Variants in ROBO1 observed in about 807,000 individuals in gnomAD.
The protein encoded by ROBO1 is roundabout guidance receptor 1, also known as roundabout homolog 1.
ROBO1 carries 149 observed loss-of-function variants against 195.9 expected under a neutral mutation model. That is an observed-to-expected ratio of 0.76 (90% CI 0.67 to 0.87). ROBO1 has a LOEUF of 0.87. ROBO1 is among the 40% of genes least tolerant of loss of function. The pLI is 0.00. For synonymous variants in ROBO1, 816 were observed against 733.2 expected, an observed-to-expected ratio of 1.11 and a Z score of -1.82; for missense variants, 1,933 against 2,068.3, an observed-to-expected ratio of 0.93 and a Z score of 1.27.
intron 4 of ROBO1, among the ~76,000 whole-genome samples, chr3:78,897,920 G>C (rs1056075544): frequency 6.6e-6 from 1 of 151,722 alleles, no homozygotes; most frequent in Admixed American, 6.6e-5. Flanking sequence ...CTTGCATAGT[G>C]AAAGGTAGAA....
rs1029318724 is a variant in ROBO1, at chr3:79,659,576, C to T, written c.-50-69615G>A. Among the ~76,000 whole-genome samples the T allele has an allele frequency of 6.0e-5, 9 of 150,982 alleles. No individual in the cohort carries two copies. The South Asian group carries it at 1.3e-3, about 21-fold the overall frequency. On this transcript the variant is annotated intron_variant, in intron 1 of 30. Transcript: ENST00000464233. ...AACTGCTTCAAAGAGCATTACCGAA[C>T]AGTTACGATGTATGAACAATGGACC...
chr3:79,548,750 C>T (rs752956916), intron 2 of ROBO1, among the ~76,000 whole-genome samples: 5 of 152,132 alleles, frequency 3.3e-5, no homozygotes, highest in Non-Finnish European at 5.9e-5. Flanking sequence ...TGTAGTTGCT[C>T]CTGAGTATGA....
intron 4 of ROBO1, among the ~76,000 whole-genome samples, chr3:78,832,247 A>G (rs905992116): frequency 6.6e-6 from 1 of 152,142 alleles, no homozygotes; most frequent in African/African-American, 2.4e-5. Context: ...CACACATCTT[A>G]AATTGCTGGT....
chr3:79,398,082 C>T (rs958468088), intron 2 of ROBO1, among the ~76,000 whole-genome samples: 12 of 151,964 alleles, frequency 7.9e-5, no homozygotes, highest in South Asian at 2.1e-4. Context: ...AGTGCTAAAA[C>T]AAGATTTTTA....
At chr3:79,452,363 A>C (rs1322758370) in intron 2 of ROBO1, among the ~76,000 whole-genome samples, 2 of 152,104 alleles carry the variant, frequency 1.3e-5, no homozygotes, top group Non-Finnish European at 2.9e-5. Flanking sequence ...CATCTGGAGC[A>C]TCACTTTTTG....
At chr3:79,650,490 T>G (rs977908521) in intron 1 of ROBO1, among the ~76,000 whole-genome samples, 3 of 151,752 alleles carry the variant, frequency 2.0e-5, no homozygotes, top group African/African-American at 7.2e-5. Flanking sequence ...TATATCAAAA[T>G]TTTGATGGTA....
intron 1 of ROBO1, among the ~76,000 whole-genome samples, chr3:79,741,103 GGTT>G (rs1346926544): frequency 1.3e-5 from 2 of 152,188 alleles, no homozygotes; most frequent in Non-Finnish European, 2.9e-5. Flanking sequence ...AGCTGGAAAA[GGTT>G]GTGCTTAGGG....
chr3:79,667,106 C>T (rs1047524650), intron 1 of ROBO1, among the ~76,000 whole-genome samples: 2 of 151,888 alleles, frequency 1.3e-5, no homozygotes, highest in African/African-American at 4.8e-5. Flanking sequence ...ACGTGTCACT[C>T]TGGTAAATGA....
intron 3 of ROBO1, among the ~76,000 whole-genome samples, chr3:79,105,741 C>G (rs769474263): frequency 1.3e-5 from 2 of 151,684 alleles, no homozygotes; most frequent in Non-Finnish European, 3.0e-5. Flanking sequence ...TTAGTGTCAT[C>G]ATGTGTATGT....
chr3:78,741,676 A>G (rs2082536878), intron 5 of ROBO1, among the ~76,000 whole-genome samples: 1 of 152,182 alleles, frequency 6.6e-6, no homozygotes, highest in Non-Finnish European at 1.5e-5. Context: ...ATCCAAAAGA[A>G]CACTTTAGTC....
At chr3:79,208,646 A>C (rs1446292632) in intron 2 of ROBO1, among the ~76,000 whole-genome samples, 3 of 151,678 alleles carry the variant, frequency 2.0e-5, no homozygotes, top group African/African-American at 7.3e-5. Context: ...AAGGGTTTGC[A>C]AGAAAGTTAA....
chr3:78,812,013 C>T (rs897280757), intron 4 of ROBO1, among the ~76,000 whole-genome samples: 2 of 152,082 alleles, frequency 1.3e-5, no homozygotes, highest in African/African-American at 2.4e-5. Flanking sequence ...CGTTTCCTAG[C>T]AAGGTGCCTG....
chr3:79,049,006 C>T (rs1176915666), intron 3 of ROBO1, among the ~76,000 whole-genome samples: 1 of 152,112 alleles, frequency 6.6e-6, no homozygotes, highest in African/African-American at 2.4e-5. Context: ...AAAGATCACA[C>T]ATCCTCACCA....
chr3:79,412,188 C>T (rs897661833), intron 2 of ROBO1, among the ~76,000 whole-genome samples: 1 of 152,092 alleles, frequency 6.6e-6, no homozygotes, highest in African/African-American at 2.4e-5. Flanking sequence ...ATATTCTCAA[C>T]AAGGCTTCTA....
At chr3:79,611,536 A>G (rs1209741942) in intron 1 of ROBO1, among the ~76,000 whole-genome samples, 2 of 152,126 alleles carry the variant, frequency 1.3e-5, no homozygotes, top group Non-Finnish European at 2.9e-5. Context: ...GCACATATAC[A>G]CTATGGAATA....
intron 1 of ROBO1, among the ~76,000 whole-genome samples, chr3:79,723,222 C>T (rs1702777612): frequency 6.6e-6 from 1 of 152,086 alleles, no homozygotes; most frequent in East Asian, 1.9e-4. Flanking sequence ...TTACTTATGA[C>T]CTGAAGGCAT....
intron 1 of ROBO1, among the ~76,000 whole-genome samples, chr3:79,599,609 AG>A (rs1944280199): frequency 6.6e-6 from 1 of 151,946 alleles, no homozygotes; most frequent in Non-Finnish European, 1.5e-5. Context: ...CCTTAGGGGT[AG>A]GGGGCGGGAG....
At chr3:79,737,125 T>C (rs898835836) in intron 1 of ROBO1, among the ~76,000 whole-genome samples, 3 of 152,146 alleles carry the variant, frequency 2.0e-5, no homozygotes, top group Non-Finnish European at 2.9e-5. Flanking sequence ...TAGAGCTCAC[T>C]CTCTGCTGGG....
Position 79,760,236 on chromosome 3 carries a change from C to CAAAAAAAAAAAAAAAAAAAAAA in ROBO1, c.-51+7494_-51+7515dup, listed in dbSNP as rs11451206. On this transcript the variant is annotated intron_variant, in intron 1 of 30. Coordinates refer to ENST00000464233, the MANE Select transcript of ROBO1 (RefSeq NM_002941.4). ...TGGGTGAGACAGTGAGACCCTATCT[C>CAAAAAAAAAAAAAAAAAAAAAA]AAAAAAAAAAAAAAAAAAAAAAAAA... Among the ~76,000 whole-genome samples the CAAAAAAAAAAAAAAAAAAAAAA allele has an allele frequency of 4.4e-4, 2 of 4,514 alleles. 1 individual carries two copies. 3.0% of individuals were successfully genotyped at this position (4,514 alleles called of 152,430 possible).
Sources: gnomAD v4.1 joint callset for allele counts (sites outside exome capture counted in the v4.1 genomes callset) on GRCh38, gnomAD v4.1.1 for gene constraint, MANE v1.5 for transcripts, NCBI Gene and HGNC (gene_info 2026-07-23, HGNC 2026-07-21) for gene names.